Variants in ENTREP2 observed in about 807,000 individuals in gnomAD.
ENTREP2 encodes protein ENTREP2.
the ENTREP2 span, among the ~76,000 whole-genome samples, chr15:29,607,225 C>T: frequency 6.6e-6 from 1 of 151,692 alleles, no homozygotes; most frequent in African/African-American, 2.4e-5. Context: ...TGGTTTTCTT[C>T]ATGAGGAAAA....
the ENTREP2 span, among the ~76,000 whole-genome samples, chr15:29,586,414 TA>T: frequency 6.6e-6 from 1 of 152,214 alleles, no homozygotes; most frequent in Non-Finnish European, 1.5e-5. Flanking sequence ...GTGACTATAC[TA>T]AAAAACAATG....
chr15:29,302,941 C>G, the ENTREP2 span, among the ~76,000 whole-genome samples: 2 of 152,144 alleles, frequency 1.3e-5, no homozygotes. Flanking sequence ...GCTGAGGATC[C>G]TGATCCGGTT....
At chr15:29,393,281 G>A in the ENTREP2 span, among the ~76,000 whole-genome samples, 86,831 of 151,894 alleles carry the variant, frequency 0.57, 26,828 homozygotes, top group Admixed American at 0.69. Context: ...TCCCTAGAGA[G>A]GCATAGTTCT....
At chr15:29,558,111 G>A in the ENTREP2 span, among the ~76,000 whole-genome samples, 1 of 152,144 alleles carries the variant, frequency 6.6e-6, no homozygotes, top group Admixed American at 6.5e-5. Context: ...TGTGCCAGCG[G>A]ATACCTGCCC....
the ENTREP2 span, among the ~76,000 whole-genome samples, chr15:29,572,032 G>C: frequency 6.6e-6 from 1 of 152,164 alleles, no homozygotes; most frequent in African/African-American, 2.4e-5. Context: ...AAATATCTCG[G>C]TTGCTGGTGC....
At chr15:29,196,143 C>A in the ENTREP2 span, among the ~76,000 whole-genome samples, 1 of 152,144 alleles carries the variant, frequency 6.6e-6, no homozygotes, top group African/African-American at 2.4e-5. Flanking sequence ...TAGAATGATC[C>A]CATCATCATT....
At chr15:29,138,844 C>T in the ENTREP2 span, among the ~76,000 whole-genome samples, 4 of 151,854 alleles carry the variant, frequency 2.6e-5, no homozygotes, top group Non-Finnish European at 4.4e-5. Flanking sequence ...TCATGAAGAA[C>T]GCATCTGAAC....
chr15:29,437,273 G>A, the ENTREP2 span, among the ~76,000 whole-genome samples: 58 of 151,908 alleles, frequency 3.8e-4, no homozygotes, highest in Non-Finnish European at 6.8e-4. Flanking sequence ...TAAGCCAAAG[G>A]CTCACATTTA....
the ENTREP2 span, among the ~76,000 whole-genome samples, chr15:29,536,383 G>A: frequency 6.6e-6 from 1 of 152,096 alleles, no homozygotes; most frequent in African/African-American, 2.4e-5. Context: ...TAATGTCACC[G>A]AGGCACTACA....
chr15:29,429,895 G>A, the ENTREP2 span, among the ~76,000 whole-genome samples: 1 of 152,232 alleles, frequency 6.6e-6, no homozygotes, highest in Non-Finnish European at 1.5e-5. Flanking sequence ...CTCCTAGCGA[G>A]CCAGGTGGCT....
At chr15:29,669,921 T>C in the ENTREP2 span, among the ~76,000 whole-genome samples, 4 of 152,332 alleles carry the variant, frequency 2.6e-5, no homozygotes, top group Non-Finnish European at 5.9e-5. Flanking sequence ...ACGGTGTGTC[T>C]GCCCTGTCAA....
the ENTREP2 span, among the ~76,000 whole-genome samples, chr15:29,206,437 T>C: frequency 6.6e-6 from 1 of 152,136 alleles, no homozygotes; most frequent in Non-Finnish European, 1.5e-5. Flanking sequence ...ATGCTGGTGA[T>C]GCTCAAGGCA....
At chr15:29,438,344 G>A in the ENTREP2 span, among the ~76,000 whole-genome samples, 3,975 of 152,270 alleles carry the variant, frequency 0.026, 185 homozygotes, top group African/African-American at 0.091. Flanking sequence ...TGGACTCCCC[G>A]TGGCTAACTG....
the ENTREP2 span, among the ~76,000 whole-genome samples, chr15:29,526,275 G>T: frequency 6.6e-6 from 1 of 152,102 alleles, no homozygotes; most frequent in East Asian, 1.9e-4. Context: ...ACTCTCTCTT[G>T]TTACAGGGAA....
chr15:29,123,786 AT>A, the ENTREP2 span: 1 of 888,014 alleles, frequency 1.1e-6, no homozygotes, highest in Non-Finnish European at 1.7e-6. Context: ...CGCTCTGGGC[AT>A]GCCCTGCTGT....
At chr15:29,126,177 G>A in the ENTREP2 span, 64 of 1,045,644 alleles carry the variant, frequency 6.1e-5, 2 homozygotes, top group South Asian at 7.9e-4. Flanking sequence ...CTGCAGGGCC[G>A]GGCCTCCACT....
the ENTREP2 span, among the ~76,000 whole-genome samples, chr15:29,434,667 T>G: frequency 7.9e-5 from 12 of 152,108 alleles, no homozygotes; most frequent in Non-Finnish European, 5.9e-5. Flanking sequence ...AGAGCACACA[T>G]GAATAACCAA....
chr15:29,622,419 G>C, the ENTREP2 span, among the ~76,000 whole-genome samples: 1 of 152,014 alleles, frequency 6.6e-6, no homozygotes, highest in African/African-American at 2.4e-5. Flanking sequence ...TGTTGACCAG[G>C]CTGGTTTTGA....
the ENTREP2 span, among the ~76,000 whole-genome samples, chr15:29,542,483 T>C: frequency 1.8e-3 from 268 of 151,688 alleles, no homozygotes; most frequent in African/African-American, 6.1e-3. Context: ...TATTTTTTTT[T>C]TTAGTAGAGA....
Sources: gnomAD v4.1 joint callset for allele counts (sites outside exome capture counted in the v4.1 genomes callset) on GRCh38, gnomAD v4.1.1 for gene constraint, MANE v1.5 for transcripts, NCBI Gene and HGNC (gene_info 2026-07-23, HGNC 2026-07-21) for gene names.